Variants in B4GALT1 observed in about 807,000 individuals in gnomAD.
B4GALT1 encodes beta-1,4-galactosyltransferase 1.
B4GALT1 carries 16 observed loss-of-function variants against 34.9 expected under a neutral mutation model. That is an observed-to-expected ratio of 0.46 (90% confidence interval 0.31 to 0.70). The LOEUF (loss-of-function observed/expected upper bound fraction) is 0.70. Ranked by LOEUF, B4GALT1 falls within the 30% of genes least tolerant of loss-of-function variation. The probability of loss-of-function intolerance (pLI) is 0.05; values close to 1 mark genes in which losing one functional copy is unlikely to be tolerated. For synonymous variants in B4GALT1, 221 were observed against 218.1 expected (o/e 1.01, Z -0.12); for missense variants, 445 against 530.5 (o/e 0.84, Z 1.58).
the B4GALT1 span, chr9:33,177,589 C>T: frequency 2.6e-5 from 4 of 152,156 alleles, no homozygotes; most frequent in African/African-American, 4.8e-5. Context: ...GCCTGCAAGA[C>T]CTAAAATATT....
the B4GALT1 span, among the ~76,000 whole-genome samples, chr9:33,181,781 T>C: frequency 1.3e-5 from 2 of 152,182 alleles, no homozygotes; most frequent in African/African-American, 4.8e-5. Context: ...TCCTTTCCTC[T>C]GGAATGGCCA....
rs1347864092 is a variant in B4GALT1 at position 33,167,104 on chromosome 9, G to C, written c.66C>G (p.Ala22=). 4 of 1,604,990 alleles carry C rather than the reference G, an allele frequency of 2.5e-6. No homozygotes were observed. In the Admixed American group the frequency reaches 6.7e-5, roughly 27 times the overall value. Residue 22 remains alanine (A), a synonymous_variant, in exon 1 of 6, where the codon GCC becomes GCG. Coordinates refer to ENST00000379731, the MANE Select transcript of B4GALT1 (RefSeq NM_001497.4). The part of the protein sequence containing the change: ...AAMPGASLQR[A]CRLLVAVCAL... Reference sequence around the variant, plus strand: ...CGCAGACGGCCACGAGCAGGCGGCAGGCCCGCTGTAGGGACGCGCCTGGCA... The same window carrying C: ...CGCAGACGGCCACGAGCAGGCGGCACGCCCGCTGTAGGGACGCGCCTGGCA...
At chr9:33,141,204 G>T (rs1840344254) in intron 1 of B4GALT1, among the ~76,000 whole-genome samples, 1 of 152,120 alleles carries the variant, frequency 6.6e-6, no homozygotes. Flanking sequence ...GGGTGAGCAA[G>T]TAAAGAAGAG....
intron 2 of B4GALT1, among the ~76,000 whole-genome samples, chr9:33,125,189 T>C (rs761203316): frequency 9.2e-5 from 14 of 151,956 alleles, no homozygotes; most frequent in Admixed American, 7.2e-4. Context: ...CGACCAGACA[T>C]AGACTCTGGA....
chr9:33,130,944 T>C (rs574290775), intron 2 of B4GALT1, among the ~76,000 whole-genome samples: 1 of 151,590 alleles, frequency 6.6e-6, no homozygotes, highest in East Asian at 2.0e-4. Context: ...GAGGCAGGAG[T>C]GGACCCTCCT....
upstream of B4GALT1, among the ~76,000 whole-genome samples, chr9:33,171,990 A>G (rs568567478): frequency 1.3e-5 from 2 of 152,308 alleles, no homozygotes; most frequent in South Asian, 4.1e-4. Context: ...AAATCCCCCA[A>G]AAGTTCAACT....
chr9:33,113,648 C>A, intron 5 of B4GALT1, 62 bp from the exon 6 acceptor site: 1 of 1,611,378 alleles, frequency 6.2e-7, no homozygotes, highest in South Asian at 1.1e-5. Context: ...GAAATCATCA[C>A]ACGTACTTCC....
the B4GALT1 span, among the ~76,000 whole-genome samples, chr9:33,181,484 G>A: frequency 6.8e-6 from 1 of 146,812 alleles, no homozygotes; most frequent in Non-Finnish European, 1.5e-5. Context: ...TAAGAGTGTA[G>A]TTTGCAGAAT....
chr9:33,164,437 C>A lies in B4GALT1; in HGVS notation c.412+2321G>T, dbSNP rs186871583. ...CCCTATTAAAATGAAGAAAAGACCTCTCGGCCCCCATTTCTGGGGCTGCCT... is the reference window on the plus strand; with the variant it reads ...CCCTATTAAAATGAAGAAAAGACCTATCGGCCCCCATTTCTGGGGCTGCCT... On this transcript the variant is annotated intron_variant, in intron 1 of 5. Transcript: ENST00000379731. 1.2e-3 allele frequency among the ~76,000 whole-genome samples: 181 copies of A among 152,340 alleles called. 1 individual carries two copies. Among genetic ancestry groups the A allele is most frequent in the African/African-American group, 4.1e-3 (172 of 41,584 alleles).
the B4GALT1 span, chr9:33,179,827 T>G: frequency 6.6e-6 from 1 of 152,304 alleles, no homozygotes; most frequent in Non-Finnish European, 1.5e-5. Flanking sequence ...AAGTGCATTT[T>G]CAACTTACAA....
At chr9:33,154,721 G>C (rs1298879943) in intron 1 of B4GALT1, among the ~76,000 whole-genome samples, 2 of 152,182 alleles carry the variant, frequency 1.3e-5, no homozygotes, top group Non-Finnish European at 2.9e-5. Context: ...TTAGAGACTA[G>C]AATTGCTGGG....
At chr9:33,156,739 C>T (rs1468396800) in intron 1 of B4GALT1, among the ~76,000 whole-genome samples, 2 of 152,332 alleles carry the variant, frequency 1.3e-5, no homozygotes, top group Non-Finnish European at 1.5e-5. Flanking sequence ...GCTAGCCCAA[C>T]AGAATATAAG....
In B4GALT1 at chr9:33,135,344, C is replaced by T. The variant is rs775825286; in HGVS notation, c.493G>A (p.Gly165Ser). 2 of 1,614,184 alleles carry T rather than the reference C, an allele frequency of 1.2e-6. No homozygotes were observed. Among genetic ancestry groups the T allele is most frequent in the South Asian group, 1.1e-5 (1 of 91,078 alleles). The change falls in exon 2 of 6, where the codon GGC (glycine) becomes AGC (serine). Residue 165 changes from glycine (G) to serine (S), a missense_variant. Physicochemically the swap from Gly to Ser is moderately conservative, Grantham distance 56. Transcript: ENST00000379731. ...AKQNPNVKMG[G>S]RYAPRDCVSP... ...ACGCAGTCCCTGGGGGCATAGCGGC[C>T]GCCCATCTTCACATTTGGGTTCTGC...
At chr9:33,161,912 TC>T (rs1840680680) in intron 1 of B4GALT1, among the ~76,000 whole-genome samples, 1 of 152,160 alleles carries the variant, frequency 6.6e-6, no homozygotes, top group Non-Finnish European at 1.5e-5. Flanking sequence ...TAAACCTCTT[TC>T]ACAAACACAC....
chr9:33,120,314 T>C (rs1311293621), intron 3 of B4GALT1, 105 bp downstream of exon 3: 7 of 1,295,788 alleles, frequency 5.4e-6, no homozygotes, highest in Non-Finnish European at 7.8e-6. Flanking sequence ...GGAGGCATTC[T>C]GCTCCAGAGC....
chr9:33,116,633 C>G (rs995663916), intron 3 of B4GALT1, among the ~76,000 whole-genome samples: 1 of 151,172 alleles, frequency 6.6e-6, no homozygotes, highest in African/African-American at 2.4e-5. Context: ...AGTAATTCTC[C>G]TGTCTCAGCC....
At chr9:33,172,237 TA>T, upstream of B4GALT1, among the ~76,000 whole-genome samples, 2 of 152,228 alleles carry the variant, frequency 1.3e-5, no homozygotes, top group Middle Eastern at 6.8e-3. Flanking sequence ...GGGCTGGCTT[TA>T]AGGTAGTGTT....
the B4GALT1 span, among the ~76,000 whole-genome samples, chr9:33,176,692 G>GGGGACTCCAGCAGAGGTGGA: frequency 6.6e-6 from 1 of 152,176 alleles, no homozygotes; most frequent in African/African-American, 2.4e-5. Flanking sequence ...AGTAGACACT[G>GGGGACTCCAGCAGAGGTGGA]GGGACTCCAG....
chr9:33,184,596 A>G, the B4GALT1 span, among the ~76,000 whole-genome samples: 1 of 152,224 alleles, frequency 6.6e-6, no homozygotes, highest in African/African-American at 2.4e-5. Context: ...ACCAAACTTT[A>G]ATGTGGATCA....
Sources: gnomAD v4.1 joint callset for allele counts (sites outside exome capture counted in the v4.1 genomes callset) on GRCh38, gnomAD v4.1.1 for gene constraint, MANE v1.5 for transcripts, NCBI Gene and HGNC (gene_info 2026-07-23, HGNC 2026-07-21) for gene names.